The following GTF2E2 variants were observed in gnomAD, a reference collection of about 807,000 sequenced individuals.
GTF2E2 encodes the protein general transcription factor IIE subunit 2, also known as transcription initiation factor IIE subunit beta.
A neutral mutation model predicts 40.5 loss-of-function variants in GTF2E2; 21 were observed. The ratio of observed to expected loss-of-function variants is 0.52; its 90% CI spans 0.37 to 0.75. The LOEUF (loss-of-function observed/expected upper bound fraction) is 0.75, where lower values mean the gene tolerates loss of function less well. GTF2E2 is among the 30% of genes least tolerant of loss of function. GTF2E2 has a pLI of 0.00. For synonymous variants in GTF2E2, 117 were observed against 121.6 expected (o/e 0.96, Z 0.25); for missense variants, 298 against 338.4 (o/e 0.88, Z 0.94).
chr8:30,599,823 A>C (rs1829123297), intron 6 of GTF2E2, among the ~76,000 whole-genome samples: 1 of 151,990 alleles, frequency 6.6e-6, no homozygotes, highest in Non-Finnish European at 1.5e-5. Context: ...TCTCTACTAA[A>C]AATACAAAAA....
At chr8:30,620,984 G>A (rs1479024887) in intron 3 of GTF2E2, among the ~76,000 whole-genome samples, 1 of 151,658 alleles carries the variant, frequency 6.6e-6, no homozygotes, top group Non-Finnish European at 1.5e-5. Context: ...CAGTGCAGTA[G>A]ACTTTTGGAT....
chr8:30,606,756 C>G (rs762877740), intron 6 of GTF2E2, among the ~76,000 whole-genome samples: 8 of 152,124 alleles, frequency 5.3e-5, no homozygotes, highest in Non-Finnish European at 8.8e-5. Flanking sequence ...TATGAACTTA[C>G]ATTTGTAAAA....
chr8:30,626,481 C>T (rs990438122), intron 3 of GTF2E2, among the ~76,000 whole-genome samples: 1 of 152,064 alleles, frequency 6.6e-6, no homozygotes, highest in Non-Finnish European at 1.5e-5. Context: ...GAGACTCTGT[C>T]TCAAAAAAGA....
At position 30,623,383 on chromosome 8, in the gene GTF2E2, T is replaced by C. The variant is rs546439700; in HGVS notation, c.259-8668A>G. Among the ~76,000 whole-genome samples the C allele has an allele frequency of 6.0e-4, 91 of 152,254 alleles. 1 individual carries two copies. Among genetic ancestry groups the C allele is most frequent in the African/African-American group, 2.2e-3 (90 of 41,482 alleles). On this transcript the variant is annotated intron_variant, in intron 3 of 7. Transcript: ENST00000355904. ...CTACAAAGGACATGAACTCATCATT[T>C]TTTATGGCTGCATAGTATTCCATGG...
chr8:30,581,174 C>T (rs1197677663), intron 6 of GTF2E2, among the ~76,000 whole-genome samples: 4 of 152,160 alleles, frequency 2.6e-5, no homozygotes, highest in East Asian at 1.9e-4. Flanking sequence ...AAGACTTACA[C>T]GCTCAGGAAC....
At chr8:30,630,814 G>C (rs1801418372) in intron 3 of GTF2E2, among the ~76,000 whole-genome samples, 2 of 152,096 alleles carry the variant, frequency 1.3e-5, no homozygotes, top group Admixed American at 6.6e-5. Context: ...ATTTTTCAAA[G>C]AGTTTAAAAT....
chr8:30,609,101 A>G (rs990447603), intron 5 of GTF2E2, among the ~76,000 whole-genome samples: 9 of 152,010 alleles, frequency 5.9e-5, no homozygotes, highest in African/African-American at 1.9e-4. Flanking sequence ...CCCCATCTCT[A>G]CTAAAAATAG....
At chr8:30,620,641 C>T (rs1044429465) in intron 3 of GTF2E2, among the ~76,000 whole-genome samples, 9 of 151,656 alleles carry the variant, frequency 5.9e-5, no homozygotes, top group Admixed American at 2.0e-4. Context: ...AAGAGTTAGC[C>T]GAGCTGGGCA....
chr8:30,589,581 A>G (rs1366692366), intron 6 of GTF2E2, among the ~76,000 whole-genome samples: 1 of 152,244 alleles, frequency 6.6e-6, no homozygotes, highest in South Asian at 2.1e-4. Context: ...AATAAATTTT[A>G]AGTATAACTT....
intron 6 of GTF2E2, among the ~76,000 whole-genome samples, chr8:30,582,195 G>T (rs564385527): frequency 1.3e-5 from 2 of 152,004 alleles, no homozygotes; most frequent in South Asian, 2.1e-4. Flanking sequence ...CTGGGGGGGT[G>T]GGGGGTTGTG....
intron 5 of GTF2E2, among the ~76,000 whole-genome samples, chr8:30,610,892 G>A (rs990111064): frequency 2.0e-5 from 3 of 152,124 alleles, no homozygotes; most frequent in African/African-American, 7.2e-5. Context: ...GCAACCTACA[G>A]AATGGGAGAA....
At chr8:30,636,903 C>T (rs1358794846) in intron 2 of GTF2E2, 1 of 406,994 alleles carries the variant, frequency 2.5e-6, no homozygotes, top group South Asian at 1.8e-5. Context: ...TTTCCATTCA[C>T]TGTTTCAATT....
At chr8:30,592,188 G>C (rs2151112824) in intron 6 of GTF2E2, among the ~76,000 whole-genome samples, 1 of 152,098 alleles carries the variant, frequency 6.6e-6, no homozygotes, top group Admixed American at 6.5e-5. Flanking sequence ...GACCAGACTG[G>C]GCAACACTGC....
At chr8:30,623,320 T>C (rs1801169127) in intron 3 of GTF2E2, among the ~76,000 whole-genome samples, 1 of 152,068 alleles carries the variant, frequency 6.6e-6, no homozygotes. Context: ...CTTGCGATAG[T>C]TTGCTGAGAA....
At chr8:30,580,221 C>A (rs1212602964) in intron 7 of GTF2E2, 60 bp downstream of exon 7, 4 of 915,266 alleles carry the variant, frequency 4.4e-6, no homozygotes, top group African/African-American at 1.6e-5. Context: ...GGGCAGAAAG[C>A]GGAGCAGGCT....
At chr8:30,585,265 C>G (rs1362224833) in intron 6 of GTF2E2, 1 of 152,068 alleles carries the variant, frequency 6.6e-6, no homozygotes, top group Non-Finnish European at 1.5e-5. Flanking sequence ...AATAAAGCAC[C>G]GAAAATAATG....
chr8:30,599,361 G>C (rs1011333185), intron 6 of GTF2E2, among the ~76,000 whole-genome samples: 2 of 152,058 alleles, frequency 1.3e-5, no homozygotes, highest in African/African-American at 4.8e-5. Context: ...CAAATCACTT[G>C]AGGTCAGGAG....
intron 6 of GTF2E2, among the ~76,000 whole-genome samples, chr8:30,585,310 C>T (rs1828644647): frequency 6.6e-6 from 1 of 152,166 alleles, no homozygotes; most frequent in Non-Finnish European, 1.5e-5. Flanking sequence ...ACACCTATTA[C>T]TGTTATCATC....
intron 5 of GTF2E2, 132 bp from the exon 6 acceptor site, chr8:30,607,282 T>C (rs145032911): frequency 2.6e-5 from 11 of 426,742 alleles, no homozygotes; most frequent in African/African-American, 6.2e-5. Flanking sequence ...TCCTCCACCA[T>C]AGGTCCACTG....
Sources: gnomAD v4.1 joint callset for allele counts (sites outside exome capture counted in the v4.1 genomes callset) on GRCh38, gnomAD v4.1.1 for gene constraint, MANE v1.5 for transcripts, NCBI Gene and HGNC (gene_info 2026-07-23, HGNC 2026-07-21) for gene names.